CBL: variants seen among roughly 807,000 people sequenced by gnomAD.
CBL encodes E3 ubiquitin-protein ligase CBL.
In CBL, 45 loss-of-function variants were observed where a neutral mutation model predicts 96.9. The observed-to-expected ratio is 0.46, with a 90% CI of 0.37 to 0.60. CBL has a LOEUF of 0.60. Among genes scored for constraint, CBL ranks in the 20% least tolerant of loss-of-function variants. The pLI is 0.00. For missense variants in CBL, 1,024 were observed against 1,143.5 expected, an observed-to-expected ratio of 0.90 and a Z score of 1.51; for synonymous variants, 420 against 426.8, an observed-to-expected ratio of 0.98 and a Z score of 0.20.
chr11:119,270,142 C>G (rs1015641907), intron 2 of CBL, among the ~76,000 whole-genome samples: 1 of 151,456 alleles, frequency 6.6e-6, no homozygotes, highest in African/African-American at 2.4e-5. Context: ...TATCCTGTTT[C>G]TGTGGCAATA....
chr11:119,225,728 T>TTTC (rs1565857999), intron 1 of CBL, among the ~76,000 whole-genome samples: 2 of 143,484 alleles, frequency 1.4e-5, no homozygotes, highest in Non-Finnish European at 3.0e-5. Flanking sequence ...TATTTTCTTT[T>TTTC]TTTTTTTTTT....
intron 2 of CBL, among the ~76,000 whole-genome samples, chr11:119,259,633 C>T (rs1451243258): frequency 2.0e-5 from 3 of 152,076 alleles, no homozygotes; most frequent in Non-Finnish European, 2.9e-5. Flanking sequence ...GGTGTTAGAA[C>T]TCCCCAAAAT....
chr11:119,275,461 G>A (rs1161462519), intron 5 of CBL, among the ~76,000 whole-genome samples: 1 of 152,034 alleles, frequency 6.6e-6, no homozygotes, highest in Non-Finnish European at 1.5e-5. Context: ...AACAAAAAAA[G>A]AATAGAGTTT....
At position 119,271,873 on chromosome 11, in the gene CBL, T is replaced by TG. The variant is rs2135297170; in HGVS notation, c.586dup (p.Glu196GlyfsTer16). 1 of 1,613,904 alleles carries TG rather than the reference T, an allele frequency of 6.2e-7. No individual in the cohort carries two copies. Among genetic ancestry groups the TG allele is most frequent in the Non-Finnish European group, 8.5e-7 (1 of 1,179,836 alleles). ...CTGCGGAATTTTGGAGAAAAGCTTT[T>TG]GGGGAAAAGTAAGTCTCAGAATAAT... is the stretch of plus-strand genomic sequence containing the variant. On this transcript the variant is annotated frameshift_variant, in exon 3 of 16. Transcript: ENST00000264033. LOFTEE classifies it high-confidence loss of function.
At position 119,302,919 on chromosome 11, in the gene CBL, CTCT is replaced by C. The variant is rs777984143; in HGVS notation, c.*3143_*3145del. Reference sequence around the variant, plus strand: ...AATCTACCATTCTTCTCCTCTCTTTCTCTTCTTATACAGACCCTCATTACTGGG... The same window carrying C: ...AATCTACCATTCTTCTCCTCTCTTTCTCTTATACAGACCCTCATTACTGGG... On this transcript the variant is annotated 3_prime_UTR_variant, in exon 16 of 16. Coordinates refer to ENST00000264033, the MANE Select transcript of CBL (RefSeq NM_005188.4). 9 of 230,138 alleles carry C rather than the reference CTCT, an allele frequency of 3.9e-5. No homozygotes were observed. The highest frequency in any genetic ancestry group is 6.9e-5 in the Non-Finnish European group (8 of 116,162). The allele number at this position is 230,138 out of a possible 1,614,324, so 14.3% of individuals were successfully genotyped here.
chr11:119,233,087 G>T (rs1327343817), intron 2 of CBL, among the ~76,000 whole-genome samples: 1 of 152,104 alleles, frequency 6.6e-6, no homozygotes, highest in East Asian at 1.9e-4. Context: ...TTATATGTGG[G>T]ATAATAGGGG....
intron 2 of CBL, among the ~76,000 whole-genome samples, chr11:119,248,268 G>T (rs935285575): frequency 6.6e-6 from 1 of 152,198 alleles, no homozygotes; most frequent in Admixed American, 6.5e-5. Flanking sequence ...CTGGTATAAG[G>T]ATAGACATAC....
At chr11:119,273,377 C>T (rs1949862824) in intron 3 of CBL, among the ~76,000 whole-genome samples, 1 of 152,086 alleles carries the variant, frequency 6.6e-6, no homozygotes, top group South Asian at 2.1e-4. Context: ...AGACTACTAC[C>T]CTGGATGACA....
At chr11:119,207,551 A>G (rs1022011205) in intron 1 of CBL, among the ~76,000 whole-genome samples, 4 of 152,128 alleles carry the variant, frequency 2.6e-5, no homozygotes, top group Non-Finnish European at 4.4e-5. Context: ...TAACTCCTTT[A>G]TATTTAGCCA....
chr11:119,303,092 CCAAA>C lies in CBL; in HGVS notation c.*3314_*3317del, dbSNP rs1230993220. Reference sequence around the variant, plus strand: ...AGAAAAGTAAAATGTGTTTATGGTCCCAAACAGTCAACTCACAAATTTTTATAAC... The same window carrying C: ...AGAAAAGTAAAATGTGTTTATGGTCCCAGTCAACTCACAAATTTTTATAAC... On this transcript the variant is annotated 3_prime_UTR_variant, in exon 16 of 16. Coordinates refer to ENST00000264033, the MANE Select transcript of CBL (RefSeq NM_005188.4). 7 of 231,386 alleles carry C rather than the reference CCAAA, an allele frequency of 3.0e-5. No individual in the cohort carries two copies. The South Asian group carries it at 7.3e-4, about 24-fold the overall frequency. The allele number at this position is 231,386 out of a possible 1,614,324, so 14.3% of individuals were successfully genotyped here.
Position 119,304,511 on chromosome 11 carries a change from C to A in CBL, c.*4730C>A, listed in dbSNP as rs1222988512. The A allele has an allele frequency of 1.3e-5, 3 of 233,066 alleles. No individual in the cohort carries two copies. Among genetic ancestry groups the A allele is most frequent in the African/African-American group, 4.4e-5 (2 of 45,312 alleles). 14.4% of individuals were successfully genotyped at this position (233,066 alleles called of 1,614,324 possible). On this transcript the variant is annotated 3_prime_UTR_variant, in exon 16 of 16. Coordinates refer to ENST00000264033, the MANE Select transcript of CBL (RefSeq NM_005188.4). ...AGAGCTTTGCACCTAGTCCTTTCTC[C>A]CGCTTCACAGTCTGCTTATGGTATA...
chr11:119,276,820 T>C (rs966369110), intron 6 of CBL, among the ~76,000 whole-genome samples: 6 of 152,268 alleles, frequency 3.9e-5, no homozygotes, highest in South Asian at 2.1e-4. Context: ...AGTTTGATGC[T>C]AGAAACTGTG....
intron 1 of CBL, among the ~76,000 whole-genome samples, chr11:119,222,005 C>A (rs1190642893): frequency 6.6e-6 from 1 of 152,172 alleles, no homozygotes; most frequent in African/African-American, 2.4e-5. Context: ...CTCCTCTCTT[C>A]TTGACAGGAG....
At chr11:119,255,661 A>G (rs1024480984) in intron 2 of CBL, among the ~76,000 whole-genome samples, 3 of 152,044 alleles carry the variant, frequency 2.0e-5, no homozygotes, top group African/African-American at 7.2e-5. Flanking sequence ...CTCATTACGG[A>G]AGTAATCAAA....
intron 1 of CBL, among the ~76,000 whole-genome samples, chr11:119,210,543 C>T (rs1200848615): frequency 2.0e-5 from 3 of 151,728 alleles, no homozygotes; most frequent in Admixed American, 6.6e-5. Context: ...GATTTTCGTG[C>T]CTCAGCCACC....
In CBL at chr11:119,283,625, C is replaced by CTTTTTTTTTTTTTTTTTTTT. The variant is rs398017760; in HGVS notation, c.1432-1333_1432-1314dup. 5.7e-4 allele frequency among the ~76,000 whole-genome samples: 26 copies of CTTTTTTTTTTTTTTTTTTTT among 45,526 alleles called. 6 individuals carry two copies. In the South Asian group the frequency reaches 7.1e-3, roughly 12 times the overall value. The allele number at this position is 45,526 out of a possible 152,430, so 29.9% of individuals were successfully genotyped here. A position where few individuals can be genotyped will look rare whatever the true frequency, so the allele number is the denominator to read the frequency against. On this transcript the variant is annotated intron_variant, in intron 9 of 15. Coordinates refer to ENST00000264033, the MANE Select transcript of CBL (RefSeq NM_005188.4). ...AAATATTAATCCTTTTTAATTCTTT[C>CTTTTTTTTTTTTTTTTTTTT]TTTTTTTTTTTTTTTTTTTTTTTTT...
chr11:119,297,149 A>G lies in CBL; in HGVS notation c.2153+115A>G, dbSNP rs1950069277. On this transcript the variant is annotated intron_variant, in intron 13 of 15. Coordinates refer to ENST00000264033, the MANE Select transcript of CBL (RefSeq NM_005188.4). ...GTTATCCAGTCAGATTAAAGCAGAA[A>G]GATAAAGATAAATCTAGCCCTTAAT... 6 of 784,528 alleles carry G rather than the reference A, an allele frequency of 7.6e-6. No homozygotes were observed. The East Asian group carries it at 1.5e-4, about 19-fold the overall frequency. The allele number at this position is 784,528 out of a possible 1,614,324, so 48.6% of individuals were successfully genotyped here. A position where few individuals can be genotyped will look rare whatever the true frequency, so the allele number is the denominator to read the frequency against.
chr11:119,282,469 A>G (rs1484981230), intron 9 of CBL, among the ~76,000 whole-genome samples: 1 of 152,234 alleles, frequency 6.6e-6, no homozygotes, highest in African/African-American at 2.4e-5. Flanking sequence ...AGGGCCTTCC[A>G]GAATGGGGAA....
At chr11:119,217,044 A>G (rs189471277) in intron 1 of CBL, among the ~76,000 whole-genome samples, 1 of 152,338 alleles carries the variant, frequency 6.6e-6, no homozygotes, top group Admixed American at 6.5e-5. Flanking sequence ...GATAAGTTCA[A>G]TCTCAAAATA....
Sources: gnomAD v4.1 joint callset for allele counts (sites outside exome capture counted in the v4.1 genomes callset) on GRCh38, gnomAD v4.1.1 for gene constraint, MANE v1.5 for transcripts, NCBI Gene and HGNC (gene_info 2026-07-23, HGNC 2026-07-21) for gene names.